Variants in CNTN5 observed in about 807,000 individuals in gnomAD.
The protein encoded by CNTN5 is contactin 5, also known as contactin-5.
In CNTN5, 77 loss-of-function variants were observed where a neutral mutation model predicts 129.1. That is an observed-to-expected ratio of 0.60 (90% confidence interval 0.50 to 0.72). The LOEUF (loss-of-function observed/expected upper bound fraction) is 0.72. Among genes scored for constraint, CNTN5 ranks in the 30% least tolerant of loss-of-function variants. The probability of loss-of-function intolerance (pLI) is 0.00; values close to 1 mark genes in which losing one functional copy is unlikely to be tolerated. For synonymous variants in CNTN5, 509 were observed against 465.6 expected (o/e 1.09, Z -1.20); for missense variants, 1,478 against 1,328.8 (o/e 1.11, Z -1.75).
Position 99,310,769 on chromosome 11 carries a change from A to G in CNTN5, c.-209-14577A>G, listed in dbSNP as rs550982667. On this transcript the variant is annotated intron_variant, in intron 1 of 24. Transcript: ENST00000524871. ...TAAATTAATATAAATGAAATAATAGACTATATACTATTATGAATTGCCTAT... is the reference window on the plus strand; with the variant it reads ...TAAATTAATATAAATGAAATAATAGGCTATATACTATTATGAATTGCCTAT... 4.1e-4 allele frequency among the ~76,000 whole-genome samples: 63 copies of G among 152,312 alleles called. No homozygotes were observed. In the South Asian group the frequency reaches 4.1e-3, roughly 10 times the overall value.
chr11:99,121,686 G>T (rs967879835), intron 1 of CNTN5, among the ~76,000 whole-genome samples: 1 of 152,124 alleles, frequency 6.6e-6, no homozygotes, highest in Admixed American at 6.5e-5. Context: ...TTGCTCGGGG[G>T]CAGCAATGAA....
chr11:99,359,944 G>T (rs1260346875), intron 2 of CNTN5, among the ~76,000 whole-genome samples: 1 of 152,104 alleles, frequency 6.6e-6, no homozygotes, highest in Non-Finnish European at 1.5e-5. Flanking sequence ...TACATGAGGG[G>T]ATGGATTCCT....
At chr11:99,755,538 T>C (rs984468713) in intron 3 of CNTN5, among the ~76,000 whole-genome samples, 1 of 152,150 alleles carries the variant, frequency 6.6e-6, no homozygotes, top group Non-Finnish European at 1.5e-5. Context: ...GTGAATTCTT[T>C]TGAGATTTTT....
intron 1 of CNTN5, among the ~76,000 whole-genome samples, chr11:99,248,031 C>T (rs925031517): frequency 5.9e-5 from 9 of 152,266 alleles, no homozygotes; most frequent in East Asian, 1.9e-4. Context: ...CCTGAGGAAT[C>T]GCCACACTGA....
At chr11:99,868,903 G>C (rs116890882) in intron 6 of CNTN5, among the ~76,000 whole-genome samples, 15 of 152,054 alleles carry the variant, frequency 9.9e-5, no homozygotes, top group African/African-American at 3.6e-4. Context: ...GACAGCAGTG[G>C]GAAGAATGGG....
chr11:99,359,076 C>A (rs944800850), intron 2 of CNTN5, among the ~76,000 whole-genome samples: 1 of 152,052 alleles, frequency 6.6e-6, no homozygotes, highest in Admixed American at 6.6e-5. Flanking sequence ...CCCTAAAATG[C>A]AGTTGTAAAG....
At chr11:100,045,543 A>T (rs567148040) in intron 9 of CNTN5, among the ~76,000 whole-genome samples, 1 of 152,254 alleles carries the variant, frequency 6.6e-6, no homozygotes, top group South Asian at 2.1e-4. Flanking sequence ...TGAAAGAATT[A>T]AGTTTTCTTT....
chr11:99,450,196 A>T (rs968272050), intron 2 of CNTN5, among the ~76,000 whole-genome samples: 1 of 151,746 alleles, frequency 6.6e-6, no homozygotes, highest in Admixed American at 6.6e-5. Context: ...TTTCAGTAAT[A>T]TTTGAAGAAA....
chr11:99,356,195 C>CG (rs1591565358), intron 2 of CNTN5, among the ~76,000 whole-genome samples: 2 of 152,188 alleles, frequency 1.3e-5, no homozygotes, highest in Admixed American at 1.3e-4. Flanking sequence ...ACCACCCCCC[C>CG]CCAACCAAGT....
chr11:99,907,083 A>G (rs1312278448), intron 6 of CNTN5, among the ~76,000 whole-genome samples: 1 of 151,824 alleles, frequency 6.6e-6, no homozygotes, highest in South Asian at 2.1e-4. Context: ...TCCTAGATTC[A>G]TTGAGGTTTT....
At position 100,161,873 on chromosome 11, in the gene CNTN5, A is replaced by ACACAC. The variant is rs1555025938; in HGVS notation, c.1581-29253_1581-29252insCACAC. ...CACACACACACACACACACACACAC[A>ACACAC]AAACAAAAAACAAAAAACAAAAAAC... On this transcript the variant is annotated intron_variant, in intron 13 of 24. Coordinates refer to ENST00000524871, the MANE Select transcript of CNTN5 (RefSeq NM_014361.4). Among the ~76,000 whole-genome samples, 209 of 120,232 alleles carry ACACAC rather than the reference A, an allele frequency of 1.7e-3. 4 individuals are homozygous for ACACAC. Among genetic ancestry groups the ACACAC allele is most frequent in the African/African-American group, 5.5e-3 (177 of 32,314 alleles). The allele number at this position is 120,232 out of a possible 152,430, so 78.9% of individuals were successfully genotyped here.
intron 2 of CNTN5, among the ~76,000 whole-genome samples, chr11:99,458,294 G>A (rs1001880152): frequency 1.6e-4 from 24 of 151,738 alleles, no homozygotes; most frequent in South Asian, 4.1e-4. Context: ...TTTTAAAATA[G>A]CAATGCCACT....
chr11:99,917,297 G>C (rs1591416691), intron 7 of CNTN5, among the ~76,000 whole-genome samples: 1 of 152,178 alleles, frequency 6.6e-6, no homozygotes, highest in African/African-American at 2.4e-5. Flanking sequence ...TCTGTGAAAG[G>C]TTTGGGAAGT....
intron 3 of CNTN5, among the ~76,000 whole-genome samples, chr11:99,646,159 G>T (rs999369309): frequency 6.6e-6 from 1 of 152,124 alleles, no homozygotes; most frequent in African/African-American, 2.4e-5. Flanking sequence ...CATTGGCTCT[G>T]TTTTGTTTAT....
At chr11:99,140,408 A>G (rs6589908) in intron 1 of CNTN5, among the ~76,000 whole-genome samples, 138,306 of 152,078 alleles carry the variant, frequency 0.91, 63,158 homozygotes, top group East Asian at 0.99. Context: ...GTACAGAATC[A>G]TATCATCTGG....
intron 3 of CNTN5, among the ~76,000 whole-genome samples, chr11:99,758,801 A>T (rs1348129378): frequency 6.6e-6 from 1 of 152,056 alleles, no homozygotes; most frequent in Non-Finnish European, 1.5e-5. Context: ...ACAGGAGCAA[A>T]AATTATGCAA....
At chr11:99,940,468 A>G (rs1950410483) in intron 7 of CNTN5, among the ~76,000 whole-genome samples, 1 of 152,168 alleles carries the variant, frequency 6.6e-6, no homozygotes, top group African/African-American at 2.4e-5. Flanking sequence ...TGGCCACATA[A>G]AGGCTAGTAC....
intron 18 of CNTN5, among the ~76,000 whole-genome samples, chr11:100,286,738 G>C (rs1451225923): frequency 5.4e-5 from 8 of 147,516 alleles, no homozygotes; most frequent in African/African-American, 1.8e-4. Context: ...CACCAGCAAC[G>C]GAACAAAGCT....
intron 8 of CNTN5, among the ~76,000 whole-genome samples, chr11:99,979,922 C>T (rs1938227265): frequency 6.6e-6 from 1 of 152,154 alleles, no homozygotes; most frequent in Non-Finnish European, 1.5e-5. Context: ...CTTTAGGTAA[C>T]TTTTCAACTT....
Sources: gnomAD v4.1 joint callset for allele counts (sites outside exome capture counted in the v4.1 genomes callset) on GRCh38, gnomAD v4.1.1 for gene constraint, MANE v1.5 for transcripts, NCBI Gene and HGNC (gene_info 2026-07-23, HGNC 2026-07-21) for gene names.